The following KCNH5 variants were observed in gnomAD, a reference collection of about 807,000 sequenced individuals.
KCNH5 encodes the protein potassium voltage-gated channel subfamily H member 5.
KCNH5 carries 46 observed loss-of-function variants against 96.1 expected under a neutral mutation model. That is an observed-to-expected ratio of 0.48 (90% CI 0.38 to 0.61). The LOEUF is 0.61. Ranked by LOEUF, KCNH5 falls within the 20% of genes least tolerant of loss-of-function variation. The probability of loss-of-function intolerance (pLI) is 0.00; values close to 1 mark genes in which losing one functional copy is unlikely to be tolerated. For missense variants in KCNH5, 907 were observed against 1,225.8 expected, an observed-to-expected ratio of 0.74 and a Z score of 3.88; for synonymous variants, 439 against 449.8, an observed-to-expected ratio of 0.98 and a Z score of 0.30.
chr14:62,914,851 G>A (rs1030975719), intron 7 of KCNH5, among the ~76,000 whole-genome samples: 4 of 152,198 alleles, frequency 2.6e-5, no homozygotes, highest in South Asian at 2.1e-4. Context: ...CCCACATGCC[G>A]AACGTGCATA....
At chr14:62,973,012 G>A (rs748061802) in intron 6 of KCNH5, among the ~76,000 whole-genome samples, 1 of 152,140 alleles carries the variant, frequency 6.6e-6, no homozygotes, top group South Asian at 2.1e-4. Flanking sequence ...TCAACTTTGG[G>A]TGATAATGAT....
At chr14:62,711,678 T>C (rs1884571414) in intron 10 of KCNH5, among the ~76,000 whole-genome samples, 1 of 152,162 alleles carries the variant, frequency 6.6e-6, no homozygotes, top group South Asian at 2.1e-4. Flanking sequence ...AGAGCCAAAG[T>C]TCCCCTCTTT....
intron 4 of KCNH5, among the ~76,000 whole-genome samples, chr14:62,992,792 T>C (rs1403219261): frequency 3.3e-5 from 5 of 152,080 alleles, no homozygotes; most frequent in African/African-American, 1.2e-4. Context: ...GGTTCTTTCT[T>C]TTGCTGTATA....
intron 8 of KCNH5, among the ~76,000 whole-genome samples, chr14:62,823,339 G>A (rs1041105221): frequency 7.9e-5 from 12 of 152,022 alleles, no homozygotes; most frequent in Non-Finnish European, 1.5e-4. Context: ...AAATTTTTCT[G>A]TTTCAGAGTA....
At chr14:62,855,671 G>C (rs750490895) in intron 7 of KCNH5, among the ~76,000 whole-genome samples, 1 of 152,048 alleles carries the variant, frequency 6.6e-6, no homozygotes, top group Non-Finnish European at 1.5e-5. Context: ...CAGCCCAAGA[G>C]AATACTCTGA....
chr14:62,819,228 A>G (rs191331142), intron 8 of KCNH5, among the ~76,000 whole-genome samples: 1 of 152,088 alleles, frequency 6.6e-6, no homozygotes, highest in Non-Finnish European at 1.5e-5. Context: ...CAGCCTCCCA[A>G]AGTGCTGGGA....
At chr14:63,002,273 G>A (rs764007322) in intron 3 of KCNH5, among the ~76,000 whole-genome samples, 1 of 152,130 alleles carries the variant, frequency 6.6e-6, no homozygotes, top group Non-Finnish European at 1.5e-5. Flanking sequence ...AGTATTCAAG[G>A]CTTATCATTT....
intron 8 of KCNH5, among the ~76,000 whole-genome samples, chr14:62,847,533 T>A (rs529215552): frequency 6.6e-6 from 1 of 152,312 alleles, no homozygotes; most frequent in African/African-American, 2.4e-5. Context: ...GAAACTTTTA[T>A]ATTTGTCACA....
intron 9 of KCNH5, among the ~76,000 whole-genome samples, chr14:62,797,051 GC>G (rs1266640856): frequency 6.6e-6 from 1 of 152,126 alleles, no homozygotes; most frequent in Non-Finnish European, 1.5e-5. Context: ...GATCTTGGGG[GC>G]CCAAGATGTT....
intron 8 of KCNH5, among the ~76,000 whole-genome samples, chr14:62,820,715 CA>C (rs1166039725): frequency 1.3e-5 from 2 of 152,042 alleles, no homozygotes; most frequent in South Asian, 4.1e-4. Context: ...GCATATGTAC[CA>C]CATTTTCTTT....
chr14:62,832,247 A>T (rs1887367931), intron 8 of KCNH5, among the ~76,000 whole-genome samples: 1 of 152,194 alleles, frequency 6.6e-6, no homozygotes, highest in Non-Finnish European at 1.5e-5. Context: ...CTAGAACTTA[A>T]TCATCTTGTG....
intron 10 of KCNH5, among the ~76,000 whole-genome samples, chr14:62,713,823 C>G (rs1376646939): frequency 6.6e-6 from 1 of 152,194 alleles, no homozygotes; most frequent in African/African-American, 2.4e-5. Context: ...TGTAATTAGG[C>G]CCTCTCTACA....
chr14:62,925,900 T>A (rs1162577177), intron 7 of KCNH5, among the ~76,000 whole-genome samples: 1 of 151,856 alleles, frequency 6.6e-6, no homozygotes, highest in Non-Finnish European at 1.5e-5. Flanking sequence ...CTTGGAAAAA[T>A]CAGATAAAAG....
chr14:62,706,464 ATTCT>A lies in KCNH5; in HGVS notation c.*1040_*1043del, dbSNP rs1884434415. On this transcript the variant is annotated 3_prime_UTR_variant, in exon 11 of 11. Coordinates refer to ENST00000322893, the MANE Select transcript of KCNH5 (RefSeq NM_139318.5). ...TGTCAACAATCCGTACCAGTGTTTC[ATTCT>A]TTCTAAGTTATATACATGCCACAAA... The A allele has an allele frequency of 6.6e-6, 1 of 152,260 alleles. No homozygotes were observed. Among genetic ancestry groups the A allele is most frequent in the African/African-American group, 2.4e-5 (1 of 41,562 alleles). The allele number at this position is 152,260 out of a possible 1,614,324, so 9.4% of individuals were successfully genotyped here. A position where few individuals can be genotyped will look rare whatever the true frequency, so the allele number is the denominator to read the frequency against.
At chr14:62,808,240 T>C (rs1886808448) in intron 8 of KCNH5, among the ~76,000 whole-genome samples, 1 of 152,124 alleles carries the variant, frequency 6.6e-6, no homozygotes, top group Non-Finnish European at 1.5e-5. Flanking sequence ...TTTTTGTGTG[T>C]AAAGGGTGTT....
intron 7 of KCNH5, among the ~76,000 whole-genome samples, chr14:62,875,934 C>T (rs112043015): frequency 0.072 from 10,975 of 152,096 alleles, 611 homozygotes; most frequent in African/African-American, 0.16. Context: ...TTTGGGAGGC[C>T]GAGGCAGGCA....
chr14:62,752,645 A>C (rs758020206), intron 10 of KCNH5, among the ~76,000 whole-genome samples: 11 of 152,044 alleles, frequency 7.2e-5, no homozygotes, highest in Non-Finnish European at 1.3e-4. Flanking sequence ...TCCCCACCCA[A>C]ATCTTATCTC....
At chr14:62,899,472 T>G (rs981708763) in intron 7 of KCNH5, among the ~76,000 whole-genome samples, 1 of 152,146 alleles carries the variant, frequency 6.6e-6, no homozygotes, top group African/African-American at 2.4e-5. Flanking sequence ...ATGGCTTGAT[T>G]TATTCATTCC....
intron 8 of KCNH5, among the ~76,000 whole-genome samples, chr14:62,832,972 G>T (rs1485134482): frequency 7.3e-6 from 1 of 137,648 alleles, no homozygotes; most frequent in African/African-American, 2.8e-5. Flanking sequence ...TTATTTGTGG[G>T]TTTTTGCTAT....
Sources: allele counts gnomAD v4.1 joint callset (sites outside exome capture counted in the v4.1 genomes callset), GRCh38; gene constraint gnomAD v4.1.1; transcripts MANE v1.5; gene names NCBI Gene and HGNC (gene_info 2026-07-23, HGNC 2026-07-21).